The following AUTS2 variants were observed in gnomAD, a reference collection of about 807,000 sequenced individuals.
AUTS2 encodes activator of transcription and developmental regulator AUTS2, also known as autism susceptibility gene 2 protein.
AUTS2 carries 17 observed loss-of-function variants against 112.4 expected under a neutral mutation model. The ratio of observed to expected loss-of-function variants is 0.15; its 90% CI spans 0.10 to 0.23. AUTS2 has a LOEUF of 0.23. Among genes scored for constraint, AUTS2 ranks in the 10% least tolerant of loss-of-function variants. AUTS2 has a pLI of 1.00. For synonymous variants in AUTS2, 751 were observed against 702.7 expected (o/e 1.07, Z -1.09); for missense variants, 1,510 against 1,701.6 (o/e 0.89, Z 1.98).
At chr7:70,042,409 T>C (rs1801287863) in intron 2 of AUTS2, among the ~76,000 whole-genome samples, 1 of 152,196 alleles carries the variant, frequency 6.6e-6, no homozygotes, top group African/African-American at 2.4e-5. Flanking sequence ...TAATGGTTTT[T>C]AAGTTTGTGT....
At chr7:69,649,873 A>C (rs1795215554) in intron 1 of AUTS2, among the ~76,000 whole-genome samples, 1 of 152,214 alleles carries the variant, frequency 6.6e-6, no homozygotes, top group Non-Finnish European at 1.5e-5. Context: ...ACTGGGAAGA[A>C]ATTAGCAAGG....
chr7:70,033,117 A>G (rs770506916), intron 2 of AUTS2, among the ~76,000 whole-genome samples: 2 of 152,150 alleles, frequency 1.3e-5, no homozygotes, highest in Non-Finnish European at 2.9e-5. Context: ...GATTGTGGTA[A>G]TAGTTGCACA....
chr7:69,847,208 C>T (rs187500751), intron 1 of AUTS2, among the ~76,000 whole-genome samples: 3 of 152,224 alleles, frequency 2.0e-5, no homozygotes, highest in Admixed American at 2.0e-4. Context: ...GTACTAAAGC[C>T]GTAGAATAAG....
chr7:69,691,303 A>G (rs1584080117), intron 1 of AUTS2, among the ~76,000 whole-genome samples: 2 of 152,004 alleles, frequency 1.3e-5, no homozygotes, highest in East Asian at 3.9e-4. Context: ...CAGGGGACCT[A>G]CCCCTTTCCG....
In AUTS2 at chr7:70,695,570, G is replaced by A. The variant is rs2129547036; in HGVS notation, c.691-2999G>A. Among the ~76,000 whole-genome samples, 3 of 152,330 alleles carry A rather than the reference G, an allele frequency of 2.0e-5. No individual in the cohort carries two copies. In the South Asian group the frequency reaches 6.2e-4, roughly 32 times the overall value. On this transcript the variant is annotated intron_variant, in intron 5 of 18. Transcript: ENST00000342771. ...TTCGAAAGCCCCCCTTCTCGCCTGT[G>A]CGGGTGCGGAGGGCGGCCCCCGGGG... is the stretch of plus-strand genomic sequence containing the variant.
At chr7:69,787,644 G>A (rs139621491) in intron 1 of AUTS2, among the ~76,000 whole-genome samples, 132 of 152,248 alleles carry the variant, frequency 8.7e-4, no homozygotes, top group African/African-American at 3.0e-3. Context: ...CCACCTCCTG[G>A]GTTCAAGTGA....
At chr7:70,748,505 T>C (rs1356320513) in intron 6 of AUTS2, among the ~76,000 whole-genome samples, 2 of 152,216 alleles carry the variant, frequency 1.3e-5, no homozygotes, top group Non-Finnish European at 2.9e-5. Flanking sequence ...AAGATTATTA[T>C]AGATGAAAAT....
At chr7:70,136,521 A>G (rs142665295) in intron 4 of AUTS2, among the ~76,000 whole-genome samples, 306 of 152,318 alleles carry the variant, frequency 2.0e-3, no homozygotes, top group Non-Finnish European at 2.7e-3. Flanking sequence ...GGTGAGTTTC[A>G]TACTTCTAAG....
chr7:69,603,156 A>G (rs1562751248), intron 1 of AUTS2, among the ~76,000 whole-genome samples: 2 of 152,230 alleles, frequency 1.3e-5, no homozygotes, highest in South Asian at 4.1e-4. Flanking sequence ...TGCTGCTGGT[A>G]TGATATTGTG....
intron 1 of AUTS2, among the ~76,000 whole-genome samples, chr7:69,768,145 G>A (rs1304230366): frequency 6.6e-6 from 1 of 152,202 alleles, no homozygotes; most frequent in African/African-American, 2.4e-5. Flanking sequence ...AGTCTCTGAT[G>A]CAATGGGATG....
intron 2 of AUTS2, among the ~76,000 whole-genome samples, chr7:70,094,783 C>CT (rs1398062259): frequency 1.3e-5 from 2 of 152,106 alleles, no homozygotes; most frequent in South Asian, 2.1e-4. Flanking sequence ...GTTCAAGTTG[C>CT]TTTTTTTTCT....
intron 10 of AUTS2, among the ~76,000 whole-genome samples, chr7:70,770,615 T>C (rs1021192107): frequency 6.6e-6 from 1 of 152,254 alleles, no homozygotes; most frequent in African/African-American, 2.4e-5. Flanking sequence ...AATTGTGTCC[T>C]TTTATAGGCT....
intron 4 of AUTS2, among the ~76,000 whole-genome samples, chr7:70,270,735 C>G (rs1266146966): frequency 6.6e-6 from 1 of 152,086 alleles, no homozygotes; most frequent in East Asian, 1.9e-4. Context: ...TCTCACATTG[C>G]TAAATAGAGT....
intron 4 of AUTS2, among the ~76,000 whole-genome samples, chr7:70,302,281 T>TG (rs1789253065): frequency 6.6e-6 from 1 of 152,002 alleles, no homozygotes; most frequent in African/African-American, 2.4e-5. Flanking sequence ...GGCATGGTGG[T>TG]GCAGGCTGGT....
chr7:69,605,035 G>A (rs555503863), intron 1 of AUTS2, among the ~76,000 whole-genome samples: 2 of 152,228 alleles, frequency 1.3e-5, no homozygotes, highest in Non-Finnish European at 2.9e-5. Context: ...TCTATTGTGT[G>A]AATGTGAATT....
At chr7:70,424,148 A>C (rs1362108089) in intron 4 of AUTS2, among the ~76,000 whole-genome samples, 1 of 152,184 alleles carries the variant, frequency 6.6e-6, no homozygotes, top group East Asian at 1.9e-4. Context: ...CATGATTATT[A>C]AGTGGAGGGG....
chr7:69,610,210 A>C (rs564288007), intron 1 of AUTS2, among the ~76,000 whole-genome samples: 1 of 152,368 alleles, frequency 6.6e-6, no homozygotes, highest in African/African-American at 2.4e-5. Context: ...CCTATAAATA[A>C]CACATGCGAC....
intron 15 of AUTS2, chr7:70,784,667 AAAAG>A: frequency 2.1e-6 from 1 of 477,872 alleles, no homozygotes. Flanking sequence ...ATCGGCTTAA[AAAAG>A]AAATACCTGT....
chr7:70,579,414 T>C (rs947084594), intron 5 of AUTS2, among the ~76,000 whole-genome samples: 1 of 151,936 alleles, frequency 6.6e-6, no homozygotes, highest in Non-Finnish European at 1.5e-5. Context: ...AAGGACTTTT[T>C]TTCTTGAGAC....
Sources: allele counts gnomAD v4.1 joint callset (sites outside exome capture counted in the v4.1 genomes callset), GRCh38; gene constraint gnomAD v4.1.1; transcripts MANE v1.5; gene names NCBI Gene and HGNC (gene_info 2026-07-23, HGNC 2026-07-21).